Variants in PSME4 observed in about 807,000 individuals in gnomAD.
The protein encoded by PSME4 is proteasome activator complex subunit 4.
In PSME4, 89 loss-of-function variants were observed where a neutral mutation model predicts 253.9. The observed-to-expected ratio is 0.35, with a 90% CI of 0.30 to 0.42. The LOEUF (loss-of-function observed/expected upper bound fraction) is 0.42, where lower values mean the gene tolerates loss of function less well. Ranked by LOEUF, PSME4 falls within the 10% of genes least tolerant of loss-of-function variation. The pLI is 1.00. For synonymous variants in PSME4, 851 were observed against 759.2 expected (o/e 1.12, Z -1.99); for missense variants, 2,014 against 2,195.2 (o/e 0.92, Z 1.65).
chr2:53,937,312 G>T, intron 5 of PSME4, 79 bp downstream of exon 5: 5 of 1,288,536 alleles, frequency 3.9e-6, no homozygotes, highest in Non-Finnish European at 5.3e-6. Flanking sequence ...GATTTTTCTA[G>T]TTGTTATTGT....
intron 41 of PSME4, among the ~76,000 whole-genome samples, chr2:53,882,847 G>A (rs752669192): frequency 1.3e-5 from 2 of 151,756 alleles, no homozygotes; most frequent in African/African-American, 2.4e-5. Flanking sequence ...CAGAGCTACT[G>A]GCCTGACTCT....
At chr2:53,868,433 C>G (rs928545578) in intron 44 of PSME4, among the ~76,000 whole-genome samples, 25 of 147,914 alleles carry the variant, frequency 1.7e-4, no homozygotes, top group Admixed American at 1.5e-3. Context: ...GCCTGGGTGA[C>G]AGTGGAAGAT....
intron 44 of PSME4, among the ~76,000 whole-genome samples, chr2:53,867,397 A>G (rs1467110491): frequency 1.3e-5 from 2 of 151,860 alleles, no homozygotes; most frequent in East Asian, 3.9e-4. Flanking sequence ...GATACCCAGA[A>G]GCTGAGGCAT....
At chr2:53,952,246 C>T (rs1464016347) in intron 1 of PSME4, among the ~76,000 whole-genome samples, 2 of 151,976 alleles carry the variant, frequency 1.3e-5, no homozygotes, top group Non-Finnish European at 2.9e-5. Context: ...GACCACCAGC[C>T]TGGCCAATAT....
At chr2:53,898,654 C>T (rs2104432780) in intron 29 of PSME4, among the ~76,000 whole-genome samples, 2 of 152,000 alleles carry the variant, frequency 1.3e-5, no homozygotes, top group South Asian at 4.2e-4. Context: ...CACACACACA[C>T]ACACACACAC....
At chr2:53,928,793 T>G (rs1558692932) in intron 10 of PSME4, among the ~76,000 whole-genome samples, 1 of 152,108 alleles carries the variant, frequency 6.6e-6, no homozygotes, top group Non-Finnish European at 1.5e-5. Context: ...GATACACAGA[T>G]TATTTATTGC....
Position 53,864,367 on chromosome 2 carries a change from T to G in PSME4, c.*1211A>C, listed in dbSNP as rs1430415986. The G allele has an allele frequency of 6.6e-6, 1 of 152,528 alleles. No individual in the cohort carries two copies. Among genetic ancestry groups the G allele is most frequent in the Non-Finnish European group, 1.5e-5 (1 of 68,020 alleles). 9.4% of individuals were successfully genotyped at this position (152,528 alleles called of 1,614,324 possible). On this transcript the variant is annotated 3_prime_UTR_variant, in exon 47 of 47. Transcript: ENST00000404125. ...ACTTGTCATAGGCAAACATGTGGTG[T>G]TAGCATTGAGAGATGCACACAAAAA... is the stretch of plus-strand genomic sequence containing the variant.
chr2:53,923,181 T>C, intron 15 of PSME4, 63 bp from the exon 16 acceptor site: 2 of 1,497,742 alleles, frequency 1.3e-6, no homozygotes, highest in Non-Finnish European at 9.1e-7. Context: ...GATTATATTT[T>C]CAGTGGCAGT....
chr2:53,900,400 A>T (rs909802013), intron 28 of PSME4, among the ~76,000 whole-genome samples: 2 of 135,220 alleles, frequency 1.5e-5, no homozygotes, highest in Non-Finnish European at 3.3e-5. Flanking sequence ...TCTCTCTCTC[A>T]AAAAAAAAAA....
intron 37 of PSME4, 44 bp from the exon 38 acceptor site, chr2:53,888,856 A>G (rs765572396): frequency 7.1e-7 from 1 of 1,402,106 alleles, no homozygotes; most frequent in South Asian, 1.2e-5. Flanking sequence ...AGAACCTACA[A>G]TTCTGTAAAC....
At chr2:53,903,222 T>C (rs1007883858) in intron 27 of PSME4, among the ~76,000 whole-genome samples, 4 of 152,172 alleles carry the variant, frequency 2.6e-5, no homozygotes, top group African/African-American at 9.7e-5. Flanking sequence ...GATGGTGCTC[T>C]TAGGTCATTG....
At chr2:53,913,713 A>G (rs1007569898) in intron 20 of PSME4, among the ~76,000 whole-genome samples, 16 of 152,372 alleles carry the variant, frequency 1.1e-4, no homozygotes, top group African/African-American at 3.8e-4. Context: ...TTATCCTGCC[A>G]GTGAACAAAG....
rs374152201 is a variant in PSME4 at position 53,890,149 on chromosome 2, G to A, written c.4251C>T (p.Thr1417=). ...CTCCCCAGTCATTATAAGTTTCTAC[G>A]GTAATATTGGACAGTGCTGTTCTAA... ...PLLRTALSNI[T]VETYNDWGAC... The change falls in exon 37 of 47, where the codon ACC becomes ACT. Residue 1417 remains threonine, a synonymous_variant. Transcript: ENST00000404125. 19 of 1,613,742 alleles carry A rather than the reference G, an allele frequency of 1.2e-5. No homozygotes were observed. Among genetic ancestry groups the A allele is most frequent in the South Asian group, 3.3e-5 (3 of 91,064 alleles).
intron 41 of PSME4, 152 bp from the exon 42 acceptor site, chr2:53,875,907 G>A: frequency 3.2e-6 from 2 of 621,828 alleles, no homozygotes; most frequent in East Asian, 3.1e-5. Flanking sequence ...GAACCCCCAT[G>A]AGCCAATCAC....
chr2:53,908,120 A>C (rs573041882), intron 24 of PSME4, 200 bp downstream of exon 24: 1 of 529,822 alleles, frequency 1.9e-6, no homozygotes, highest in African/African-American at 1.9e-5. Context: ...AAACAGGCAG[A>C]AGATTCTGTA....
At chr2:53,896,747 A>C in intron 32 of PSME4, 57 bp downstream of exon 32, 2 of 1,364,986 alleles carry the variant, frequency 1.5e-6, no homozygotes, top group South Asian at 1.2e-5. Context: ...ATACATGTCA[A>C]GAAAATTTTC....
chr2:53,919,002 G>T, intron 20 of PSME4, 149 bp downstream of exon 20: 1 of 677,512 alleles, frequency 1.5e-6, no homozygotes, highest in Non-Finnish European at 2.4e-6. Context: ...AATCTAAATT[G>T]TACCTCTGGT....
In PSME4 at chr2:53,893,100, G is replaced by C. The variant is rs919571448; in HGVS notation, c.4039-140C>G. 4.9e-6 allele frequency: 3 copies of C among 616,108 alleles called. No individual in the cohort carries two copies. In the Admixed American group the frequency reaches 1.1e-4, roughly 22 times the overall value. 38.2% of individuals were successfully genotyped at this position (616,108 alleles called of 1,614,324 possible). On this transcript the variant is annotated intron_variant, in intron 35 of 46. Transcript: ENST00000404125. ...CTTTAGAACTGCTTTAACAATTGCGGTAAGTTAAAATAGTAAGAATACTGT... is the reference window on the plus strand; with the variant it reads ...CTTTAGAACTGCTTTAACAATTGCGCTAAGTTAAAATAGTAAGAATACTGT...
intron 1 of PSME4, among the ~76,000 whole-genome samples, chr2:53,957,490 C>T (rs1225368776): frequency 6.6e-6 from 1 of 152,142 alleles, no homozygotes; most frequent in African/African-American, 2.4e-5. Flanking sequence ...CTCTCATGTG[C>T]AGTTCACAAC....
Sources: gnomAD v4.1 joint callset for allele counts (sites outside exome capture counted in the v4.1 genomes callset) on GRCh38, gnomAD v4.1.1 for gene constraint, MANE v1.5 for transcripts, NCBI Gene and HGNC (gene_info 2026-07-23, HGNC 2026-07-21) for gene names.